Variants in TENM4 observed in about 807,000 individuals in gnomAD.
The protein encoded by TENM4 is teneurin transmembrane protein 4, also known as teneurin-4.
Under a neutral mutation model 243.3 loss-of-function variants are expected in TENM4, and 82 were observed. The observed-to-expected ratio is 0.34, with a 90% CI of 0.28 to 0.40. TENM4 has a LOEUF of 0.40. TENM4 is among the 10% of genes least tolerant of loss of function. The pLI is 1.00. For missense variants in TENM4, 3,138 were observed against 3,673.3 expected, an observed-to-expected ratio of 0.85 and a Z score of 3.77; for synonymous variants, 1,412 against 1,456.3, an observed-to-expected ratio of 0.97 and a Z score of 0.69.
At chr11:78,859,652 C>T (rs1858767921) in intron 10 of TENM4, among the ~76,000 whole-genome samples, 1 of 152,194 alleles carries the variant, frequency 6.6e-6, no homozygotes, top group Admixed American at 6.5e-5. Context: ...CTTTCTCTCC[C>T]TCCACCTTTT....
intron 29 of TENM4, 26 bp from the exon 30 acceptor site, chr11:78,676,413 G>T (rs1483053981): frequency 1.3e-6 from 2 of 1,550,146 alleles, no homozygotes; most frequent in Non-Finnish European, 1.8e-6. Flanking sequence ...AGCACAGACT[G>T]CTCAGAAGGA....
chr11:78,838,338 G>A (rs1423366907), intron 12 of TENM4, among the ~76,000 whole-genome samples: 5 of 151,932 alleles, frequency 3.3e-5, no homozygotes, highest in African/African-American at 1.2e-4. Flanking sequence ...CATGTTTACT[G>A]CATATATTTT....
chr11:79,089,811 C>T (rs932862617), intron 4 of TENM4, among the ~76,000 whole-genome samples: 1 of 152,146 alleles, frequency 6.6e-6, no homozygotes, highest in African/African-American at 2.4e-5. Context: ...ATTTGCTGGG[C>T]TCCCACTAGG....
At chr11:78,906,485 T>G (rs1856065519) in intron 6 of TENM4, among the ~76,000 whole-genome samples, 1 of 152,200 alleles carries the variant, frequency 6.6e-6, no homozygotes, top group Non-Finnish European at 1.5e-5. Context: ...TCTGGCTTGA[T>G]AAATGTTCAG....
intron 2 of TENM4, among the ~76,000 whole-genome samples, chr11:79,216,653 G>C (rs1468401335): frequency 6.6e-6 from 1 of 152,162 alleles, no homozygotes; most frequent in Non-Finnish European, 1.5e-5. Flanking sequence ...ATAAAGCAAG[G>C]CTGGCCCCTC....
At chr11:79,103,092 G>T (rs1270372791) in intron 4 of TENM4, among the ~76,000 whole-genome samples, 1 of 152,086 alleles carries the variant, frequency 6.6e-6, no homozygotes, top group Non-Finnish European at 1.5e-5. Flanking sequence ...ACAGCTCACT[G>T]CTCCCTGAAT....
chr11:79,192,356 C>T (rs7928144), intron 3 of TENM4, among the ~76,000 whole-genome samples: 14,246 of 152,202 alleles, frequency 0.094, 1,399 homozygotes, highest in East Asian at 0.4. Flanking sequence ...ATTGAGAAAT[C>T]GGATGGTTGC....
chr11:79,087,251 A>T (rs1371246127), intron 4 of TENM4, among the ~76,000 whole-genome samples: 1 of 152,244 alleles, frequency 6.6e-6, no homozygotes, highest in African/African-American at 2.4e-5. Flanking sequence ...ATAAAGCCCA[A>T]TTCTTTTGAC....
intron 3 of TENM4, among the ~76,000 whole-genome samples, chr11:79,183,557 AATG>A (rs1451442490): frequency 6.6e-6 from 1 of 152,196 alleles, no homozygotes; most frequent in Non-Finnish European, 1.5e-5. Context: ...TTTGGGTGAT[AATG>A]ATGTGTCAAT....
chr11:79,138,654 C>A (rs1862174099), intron 4 of TENM4, among the ~76,000 whole-genome samples: 1 of 102,226 alleles, frequency 9.8e-6, no homozygotes, highest in Non-Finnish European at 1.7e-5. Flanking sequence ...ATACATAAAA[C>A]ATATATTATA....
intron 1 of TENM4, among the ~76,000 whole-genome samples, chr11:79,341,447 G>A (rs1857240597): frequency 6.6e-6 from 1 of 152,164 alleles, no homozygotes. Context: ...AGCTGGGCAG[G>A]TACTAGATCC....
intron 1 of TENM4, among the ~76,000 whole-genome samples, chr11:79,412,550 A>G (rs1215258253): frequency 1.3e-5 from 2 of 152,192 alleles, no homozygotes; most frequent in Admixed American, 6.5e-5. Context: ...TAACCTGTCT[A>G]TGCTTTGGTT....
intron 4 of TENM4, among the ~76,000 whole-genome samples, chr11:79,118,442 C>T (rs145672003): frequency 7.9e-5 from 12 of 152,270 alleles, no homozygotes; most frequent in African/African-American, 2.6e-4. Context: ...CAAGTCTATA[C>T]TTCAATGGCA....
chr11:78,889,911 G>A lies in TENM4; in HGVS notation c.958C>T (p.Arg320Cys), dbSNP rs184938151. Residue 320 changes from arginine to cysteine, a missense_variant, in exon 9 of 34, where the codon CGC (arginine) becomes TGC (cysteine). Coordinates refer to ENST00000278550, the MANE Select transcript of TENM4 (RefSeq NM_001098816.3). ...AAGGCCGGCCGGGCGAAGGTGCTGC[G>A]GGGCAGGGGTCGGGGCGGAGGAGAG... ...VYSPPPRPLP[R>C]STFARPAFNL... 20 of 1,551,750 alleles carry A rather than the reference G, an allele frequency of 1.3e-5. No individual in the cohort carries two copies. Among genetic ancestry groups the A allele is most frequent in the East Asian group, 4.9e-5 (2 of 40,902 alleles).
intron 2 of TENM4, among the ~76,000 whole-genome samples, chr11:79,271,147 T>C (rs1243139891): frequency 6.6e-6 from 1 of 152,124 alleles, no homozygotes; most frequent in Non-Finnish European, 1.5e-5. Flanking sequence ...CTTGTATGCC[T>C]TTCTGACCCC....
At chr11:79,414,867 C>T (rs1439436421) in intron 1 of TENM4, among the ~76,000 whole-genome samples, 7 of 152,164 alleles carry the variant, frequency 4.6e-5, no homozygotes, top group Admixed American at 1.3e-4. Context: ...ACCTAAAACT[C>T]GGGCAGAAAA....
chr11:79,284,582 A>G (rs1856215353), intron 2 of TENM4, among the ~76,000 whole-genome samples: 1 of 152,246 alleles, frequency 6.6e-6, no homozygotes, highest in South Asian at 2.1e-4. Flanking sequence ...GTGTAAATCT[A>G]AAAATATAAA....
chr11:78,899,139 C>G (rs1045105875), intron 7 of TENM4, among the ~76,000 whole-genome samples: 6 of 152,076 alleles, frequency 3.9e-5, no homozygotes, highest in African/African-American at 1.2e-4. Flanking sequence ...CATTTTCAGG[C>G]CAAGCCTTAA....
intron 7 of TENM4, among the ~76,000 whole-genome samples, chr11:78,897,595 T>C (rs969036180): frequency 1.3e-5 from 2 of 152,222 alleles, no homozygotes; most frequent in African/African-American, 2.4e-5. Context: ...GAGGACTCCC[T>C]CTGTCACAAC....
Sources: gnomAD v4.1 joint callset for allele counts (sites outside exome capture counted in the v4.1 genomes callset) on GRCh38, gnomAD v4.1.1 for gene constraint, MANE v1.5 for transcripts, NCBI Gene and HGNC (gene_info 2026-07-23, HGNC 2026-07-21) for gene names.